The following TTN variants were observed in gnomAD, a reference collection of about 807,000 sequenced individuals.
The protein encoded by TTN is titin, also known as connectin.
In TTN, 1,525 loss-of-function variants were observed where a neutral mutation model predicts 3,223.0. That is an observed-to-expected ratio of 0.47 (90% confidence interval 0.45 to 0.49). The LOEUF (loss-of-function observed/expected upper bound fraction) is 0.49. TTN is among the 20% of genes least tolerant of loss of function. TTN has a pLI of 0.00. For missense variants in TTN, 40,786 were observed against 43,424.0 expected, an observed-to-expected ratio of 0.94 and a Z score of 5.40; for synonymous variants, 14,094 against 15,161.0, an observed-to-expected ratio of 0.93 and a Z score of 5.17.
chr2:178,722,179 T>G, intron 77 of TTN, 45 bp from the exon 78 acceptor site: 4 of 1,529,980 alleles, frequency 2.6e-6, no homozygotes, highest in Non-Finnish European at 3.5e-6. Context: ...TGTTTGTTTT[T>G]TTGCCATTGG....
In TTN at chr2:178,569,199, T is replaced by G. The variant is rs1295081106; in HGVS notation, c.76933A>C (p.Arg25645=). 1.2e-6 allele frequency: 2 copies of G among 1,610,000 alleles called. No individual in the cohort carries two copies. The highest frequency in any genetic ancestry group is 2.7e-5 in the African/African-American group (2 of 74,758). Residue 25645 remains arginine (R), a synonymous_variant, in exon 326 of 363, where the codon AGA becomes CGA. Transcript: ENST00000589042. ...GTTACAACAGCAGCATATGATTTTC[T>G]TGTGGCTTCACGTTTCTCAACAATG... ...NYIVEKREAT[R]KSYAAVVTNC...
Position 178,800,540 on chromosome 2 carries a change from G to T in TTN, c.438C>A (p.Ser146Arg). 3.1e-6 allele frequency: 5 copies of T among 1,614,158 alleles called. No homozygotes were observed. The highest frequency in any genetic ancestry group is 4.2e-6 in the Non-Finnish European group (5 of 1,180,014). ...CTTGTGAAATTTGGAAATCAAGGGA[G>T]CTCTGGATTTCGGCTCCATCCCGGT... is the stretch of plus-strand genomic sequence containing the variant. ...KFYRDGAEIQSSLDFQISQEG... is the reference protein window; with the variant it reads ...KFYRDGAEIQRSLDFQISQEG... Residue 146 changes from serine to arginine, a missense_variant, in exon 4 of 363, where the codon AGC becomes AGA. Coordinates refer to ENST00000589042, the MANE Select transcript of TTN (RefSeq NM_001267550.2).
In TTN at chr2:178,710,855, A is replaced by C; in HGVS notation, c.28242T>G (p.Ala9414=). ...TGCCCGTGACGTGGCACTCAAAGTC[A>C]GCACTTTCTCCCACCACAGCATCCA... ...APVDAVVGES[A]DFECHVTGTQ... is the part of the protein sequence containing the mutation. The change falls in exon 98 of 363, where the codon GCT becomes GCG. Residue 9414 remains alanine (A), a synonymous_variant. Transcript: ENST00000589042. 5.6e-6 allele frequency: 9 copies of C among 1,613,922 alleles called. No homozygotes were observed. The highest frequency in any genetic ancestry group is 7.6e-6 in the Non-Finnish European group (9 of 1,179,816).
In TTN at chr2:178,588,147, T is replaced by C. The variant is rs1395427495; in HGVS notation, c.63260A>G (p.Lys21087Arg). 1 of 1,610,594 alleles carries C rather than the reference T, an allele frequency of 6.2e-7. No individual in the cohort carries two copies. The highest frequency in any genetic ancestry group is 1.3e-5 in the African/African-American group (1 of 74,850). The change falls in exon 305 of 363, where the codon AAA (lysine) becomes AGA (arginine). Residue 21087 changes from lysine to arginine, a missense_variant. Transcript: ENST00000589042. ...CGGTGCACCACCATCATAGACTGGT[T>C]TTCCCCACCCAAGAGTTATGGAATG... ...TKHSITLGWG[K>R]PVYDGGAPII... is the part of the protein sequence containing the mutation.
In TTN at chr2:178,722,525, A is replaced by G. The variant is rs1291566645; in HGVS notation, c.22262T>C (p.Phe7421Ser). 1 of 1,612,254 alleles carries G rather than the reference A, an allele frequency of 6.2e-7. No homozygotes were observed. Among genetic ancestry groups the G allele is most frequent in the East Asian group, 2.2e-5 (1 of 44,844 alleles). ...TTCAATGTCCTTTAATTGTCTTGCA[A>G]AAGAAGGTGGGAGTTGGCGCTCTGT... ...RIQERQLPPS[F>S]ARQLKDIEQT... is the part of the protein sequence containing the mutation. Residue 7421 changes from phenylalanine to serine, a missense_variant, in exon 77 of 363, where the codon TTT becomes TCT. Coordinates refer to ENST00000589042, the MANE Select transcript of TTN (RefSeq NM_001267550.2).
At chr2:178,626,735 A>G (rs1226659996) in intron 240 of TTN, among the ~76,000 whole-genome samples, 3 of 151,932 alleles carry the variant, frequency 2.0e-5, no homozygotes, top group South Asian at 2.1e-4. Context: ...TGGTGCTGAA[A>G]TGGGAAAAAT....
rs747117289 is a variant in TTN at position 178,728,911 on chromosome 2, T to C, written c.19127A>G (p.Tyr6376Cys). ...CAAACCTTGTACTAAAAGGAAAGCA[T>C]AACACCTCTCAACTCCTGACTCATT... ...AKNESGVERC[Y>C]AFLLVQEPAQ... The change falls in exon 65 of 363, where the codon TAT becomes TGT. Residue 6376 changes from tyrosine to cysteine, a missense_variant. Tyr to Cys is a radical substitution (Grantham distance 194). Transcript: ENST00000589042. 1.2e-6 allele frequency: 2 copies of C among 1,606,432 alleles called. No homozygotes were observed. Among genetic ancestry groups the C allele is most frequent in the South Asian group, 2.2e-5 (2 of 89,910 alleles).
rs1269849836 is a variant in TTN, at chr2:178,722,441, T to A, written c.22346A>T (p.Gln7449Leu). ...TACTCCATCTCTATACCAGCACACT[T>A]GGATGGGTGCAGAGCCATTTAATCG... Reference protein sequence around the residue: ...TCRLNGSAPIQVCWYRDGVLL... With the variant: ...TCRLNGSAPILVCWYRDGVLL... The change falls in exon 77 of 363, where the codon CAA becomes CTA. Residue 7449 changes from glutamine (Q) to leucine (L), a missense_variant. Transcript: ENST00000589042. The A allele has an allele frequency of 6.2e-7, 1 of 1,613,440 alleles. No individual in the cohort carries two copies. Among genetic ancestry groups the A allele is most frequent in the Admixed American group, 1.7e-5 (1 of 59,984 alleles).
intron 121 of TTN, among the ~76,000 whole-genome samples, chr2:178,691,455 A>AAGCT (rs1426342804): frequency 1.3e-5 from 2 of 152,192 alleles, no homozygotes; most frequent in African/African-American, 4.8e-5. Flanking sequence ...GCAAATACTG[A>AAGCT]AGCTCAGTTA....
Position 178,537,576 on chromosome 2 carries a change from C to G in TTN, c.99631G>C (p.Gly33211Arg). 2 of 1,613,730 alleles carry G rather than the reference C, an allele frequency of 1.2e-6. No homozygotes were observed. Among genetic ancestry groups the G allele is most frequent in the Non-Finnish European group, 1.7e-6 (2 of 1,179,756 alleles). The change falls in exon 355 of 363, where the codon GGT (glycine) becomes CGT (arginine). Residue 33211 changes from glycine to arginine, a missense_variant. Transcript: ENST00000589042. ...PLKEKYYGAVGSTLRLHVMYI... is the reference protein window; with the variant it reads ...PLKEKYYGAVRSTLRLHVMYI... ...ATAACATGAAGCCGAAGTGTGGAAC[C>G]CACAGCTCCATAATATTTCTCTTTC...
rs1336925839 is a variant in TTN at position 178,588,953 on chromosome 2, T to C, written c.62772A>G (p.Thr20924=). 3.7e-6 allele frequency: 6 copies of C among 1,612,640 alleles called. No individual in the cohort carries two copies. The highest frequency in any genetic ancestry group is 5.1e-6 in the Non-Finnish European group (6 of 1,179,422). Residue 20924 remains threonine (T), a synonymous_variant, in exon 304 of 363, where the codon ACA becomes ACG. Transcript: ENST00000589042. ...YSATVLTPGT[T]VTRLIEGNEY... is the part of the protein sequence containing the mutation. ...CATTTCCTTCTATGAGACGTGTTAC[T>C]GTAGTACCAGGTGTCAAGACAGTAG...
chr2:178,590,206 C>A lies in TTN; in HGVS notation c.61519G>T (p.Asp20507Tyr). Residue 20507 changes from aspartate to tyrosine, a missense_variant, in exon 304 of 363, where the codon GAC (aspartate) becomes TAC (tyrosine). Asp to Tyr is a radical substitution (Grantham distance 160). Coordinates refer to ENST00000589042, the MANE Select transcript of TTN (RefSeq NM_001267550.2). ...LARVKGRPEP[D>Y]ITWTKEGKVL... ...TTGCCTTCCTTAGTCCAAGTTATGT[C>A]TGGTTCAGGTCTGCCTTTGACTCGA... The A allele has an allele frequency of 6.2e-7, 1 of 1,607,350 alleles. No homozygotes were observed.
intron 330 of TTN, 29 bp from the exon 331 acceptor site, chr2:178,555,181 A>G: frequency 6.3e-7 from 1 of 1,584,742 alleles, no homozygotes; most frequent in South Asian, 1.2e-5. Context: ...AGAAATATTT[A>G]AAATATTATA....
At position 178,739,173 on chromosome 2, in the gene TTN, G is replaced by A; in HGVS notation, c.14060C>T (p.Ala4687Val). ...CEALNDSGKT[A>V]TSAKLTVVKR... The stretch of plus-strand genomic sequence containing the variant: ...TACTACAGTGAGTTTGGCTGAAGTT[G>A]CTGTTTTTCCGCTGTCATTCAAGGC... Residue 4687 changes from alanine (A) to valine (V), a missense_variant, in exon 48 of 363, where the codon GCA (alanine) becomes GTA (valine). Ala to Val is a moderately conservative substitution (Grantham distance 64). Coordinates refer to ENST00000589042, the MANE Select transcript of TTN (RefSeq NM_001267550.2). 1 of 1,515,210 alleles carries A rather than the reference G, an allele frequency of 6.6e-7. No homozygotes were observed. Among genetic ancestry groups the A allele is most frequent in the Non-Finnish European group, 8.8e-7 (1 of 1,133,394 alleles). The allele number at this position is 1,515,210 out of a possible 1,614,324, so 93.9% of individuals were successfully genotyped here.
chr2:178,612,228 T>G, intron 266 of TTN, 49 bp downstream of exon 266: 1 of 1,604,542 alleles, frequency 6.2e-7, no homozygotes, highest in Non-Finnish European at 8.5e-7. Context: ...GTCACAAAAA[T>G]TAAGTGCGAG....
rs763815899 is a variant in TTN at position 178,533,618 on chromosome 2, C to T, written c.102997G>A (p.Val34333Ile). ...VTTDDDAEYT[V>I]VARNKYGEDS... ...TCACCATATTTGTTCCTTGCCACAA[C>T]AGTATATTCAGCGTCATCATCTGTA... The change falls in exon 358 of 363, where the codon GTT becomes ATT. Residue 34333 changes from valine to isoleucine, a missense_variant. Physicochemically the swap from Val to Ile is conservative, Grantham distance 29. Transcript: ENST00000589042. 1.2e-6 allele frequency: 2 copies of T among 1,613,948 alleles called. No individual in the cohort carries two copies. The highest frequency in any genetic ancestry group is 2.2e-5 in the East Asian group (1 of 44,872).
At position 178,777,782 on chromosome 2, in the gene TTN, A is replaced by T; in HGVS notation, c.4402T>A (p.Cys1468Ser). Residue 1468 changes from cysteine (C) to serine (S), a missense_variant, in exon 25 of 363, where the codon TGT becomes AGT. Physicochemically the swap from Cys to Ser is moderately radical, Grantham distance 112. Coordinates refer to ENST00000589042, the MANE Select transcript of TTN (RefSeq NM_001267550.2). The part of the protein sequence containing the change: ...VFVLKPVSFK[C>S]LEGQTARFDL... Reference sequence around the variant, plus strand: ...AATCTGGCAGTTTGCCCTTCTAAACATTTGAAAGAAACAGGTTTTAACACA... The same window carrying T: ...AATCTGGCAGTTTGCCCTTCTAAACTTTTGAAAGAAACAGGTTTTAACACA... 1.2e-6 allele frequency: 2 copies of T among 1,614,042 alleles called. No individual in the cohort carries two copies.
chr2:178,768,128 A>G lies in TTN; in HGVS notation c.9191T>C (p.Ile3064Thr), dbSNP rs769120910. 2 of 1,614,100 alleles carry G rather than the reference A, an allele frequency of 1.2e-6. No homozygotes were observed. The highest frequency in any genetic ancestry group is 2.2e-5 in the East Asian group (1 of 44,824). The change falls in exon 39 of 363, where the codon ATT (isoleucine) becomes ACT (threonine). Residue 3064 changes from isoleucine (I) to threonine (T), a missense_variant. Transcript: ENST00000589042. ...EARHIEFRKH[I>T]KDIKVLEKKR... ...CTTCTCCAGTACCTTAATGTCCTTA[A>G]TGTGTTTCCTAAATTCTATATGACG...
intron 200 of TTN, 31 bp from the exon 201 acceptor site, chr2:178,652,767 G>T (rs1297983711): frequency 6.2e-7 from 1 of 1,602,470 alleles, no homozygotes; most frequent in Non-Finnish European, 8.5e-7. Context: ...TTACATTTAG[G>T]GGTTATGAAG....
Sources: allele counts gnomAD v4.1 joint callset (sites outside exome capture counted in the v4.1 genomes callset), GRCh38; gene constraint gnomAD v4.1.1; transcripts MANE v1.5; gene names NCBI Gene and HGNC (gene_info 2026-07-23, HGNC 2026-07-21).